Variants in BUB1 observed in about 807,000 individuals in gnomAD.
BUB1 encodes BUB1 mitotic checkpoint serine/threonine kinase.
In BUB1, 84 loss-of-function variants were observed where a neutral mutation model predicts 135.2. The ratio of observed to expected loss-of-function variants is 0.62; its 90% CI spans 0.52 to 0.74. BUB1 has a LOEUF of 0.74. BUB1 is among the 30% of genes least tolerant of loss of function. BUB1 has a pLI of 0.00. For missense variants in BUB1, 1,162 were observed against 1,288.3 expected (o/e 0.90, Z 1.50); for synonymous variants, 403 against 434.4 (o/e 0.93, Z 0.90).
chr2:110,672,135 G>A (rs888159590), intron 4 of BUB1, among the ~76,000 whole-genome samples: 1 of 152,142 alleles, frequency 6.6e-6, no homozygotes, highest in Non-Finnish European at 1.5e-5. Flanking sequence ...GCTGAGGCAG[G>A]AGAATCTCTT....
chr2:110,670,136 T>TG (rs1690380710), intron 5 of BUB1, among the ~76,000 whole-genome samples: 1 of 141,666 alleles, frequency 7.1e-6, no homozygotes, highest in Non-Finnish European at 1.5e-5. Flanking sequence ...GTTTTTTTTT[T>TG]TTTTTTTTTT....
chr2:110,676,610 G>A (rs371834301), intron 1 of BUB1: 1 of 152,182 alleles, frequency 6.6e-6, no homozygotes, highest in Non-Finnish European at 1.5e-5. Flanking sequence ...TAGGGTACAT[G>A]AAGTATTACA....
At chr2:110,649,032 A>T (rs1394077921) in intron 19 of BUB1, 1 of 423,474 alleles carries the variant, frequency 2.4e-6, no homozygotes, top group Non-Finnish European at 4.1e-6. Flanking sequence ...TCTATGAGTT[A>T]TAGGAGTTAT....
intron 15 of BUB1, 152 bp from the exon 16 acceptor site, chr2:110,656,068 C>T: frequency 1.6e-6 from 1 of 622,376 alleles, no homozygotes; most frequent in Non-Finnish European, 2.6e-6. Context: ...TATCATGGTT[C>T]AGTTCTTTTC....
chr2:110,661,317 C>T (rs1385274352), intron 10 of BUB1: 1 of 435,268 alleles, frequency 2.3e-6, no homozygotes, highest in Non-Finnish European at 4.1e-6. Context: ...TCTTCAGTTA[C>T]AAAGTGACTG....
intron 17 of BUB1, among the ~76,000 whole-genome samples, chr2:110,652,921 A>G (rs1268988922): frequency 1.3e-5 from 2 of 152,168 alleles, no homozygotes; most frequent in East Asian, 3.8e-4. Context: ...ATCCTTTCCT[A>G]TTACAATGGT....
chr2:110,667,216 G>A (rs1414904533), intron 8 of BUB1, among the ~76,000 whole-genome samples: 1 of 152,074 alleles, frequency 6.6e-6, no homozygotes, highest in Non-Finnish European at 1.5e-5. Flanking sequence ...ATCTAATTTA[G>A]TACTCTTTCA....
chr2:110,657,134 T>C lies in BUB1; in HGVS notation c.1617-17A>G, dbSNP rs1184565740. On this transcript the variant is annotated splice_polypyrimidine_tract_variant and intron_variant, in intron 14 of 24. Transcript: ENST00000302759. ...TGTGGTAATCTAAGGAAAGATTTGCTAAATTATAAATAGTAAAATATGCTA... is the reference window on the plus strand; with the variant it reads ...TGTGGTAATCTAAGGAAAGATTTGCCAAATTATAAATAGTAAAATATGCTA... The C allele has an allele frequency of 6.3e-7, 1 of 1,591,162 alleles. No individual in the cohort carries two copies. The highest frequency in any genetic ancestry group is 8.6e-7 in the Non-Finnish European group (1 of 1,162,550).
chr2:110,661,515 G>A (rs1265734047), intron 10 of BUB1, 67 bp downstream of exon 10: 2 of 1,532,732 alleles, frequency 1.3e-6, no homozygotes, highest in African/African-American at 1.4e-5. Context: ...TGATAATGCA[G>A]GTCATGTAAA....
intron 5 of BUB1, 151 bp downstream of exon 5, chr2:110,670,374 G>A (rs1174400828): frequency 2.6e-6 from 2 of 776,562 alleles, no homozygotes; most frequent in Non-Finnish European, 4.4e-6. Flanking sequence ...CTGACCCCAG[G>A]TGATGCACCC....
In BUB1 at chr2:110,658,798, A is replaced by T. The variant is rs909362646; in HGVS notation, c.1277-56T>A. ...TCAGTAGGGAAATCAGAATAACTTA[A>T]AAGACACACAATTTAAGTAAGTTAC... On this transcript the variant is annotated intron_variant, in intron 11 of 24. Transcript: ENST00000302759. 5.7e-6 allele frequency: 9 copies of T among 1,591,296 alleles called. No individual in the cohort carries two copies. In the African/African-American group the frequency reaches 9.4e-5, roughly 17 times the overall value.
intron 24 of BUB1, among the ~76,000 whole-genome samples, chr2:110,639,399 A>G (rs1689440454): frequency 6.6e-6 from 1 of 151,338 alleles, no homozygotes; most frequent in Non-Finnish European, 1.5e-5. Context: ...TAGACCAAAA[A>G]AAAAAAAAAG....
intron 1 of BUB1, among the ~76,000 whole-genome samples, chr2:110,677,740 A>C (rs2104567160): frequency 6.6e-6 from 1 of 152,336 alleles, no homozygotes; most frequent in African/African-American, 2.4e-5. Flanking sequence ...GATTGCTCCA[A>C]ACGGCCACCG....
chr2:110,642,268 C>A (rs767387668), intron 19 of BUB1, 34 bp from the exon 20 acceptor site: 7 of 1,379,614 alleles, frequency 5.1e-6, no homozygotes, highest in South Asian at 2.6e-5. Flanking sequence ...AATTTATGTA[C>A]GCCTTTTATT....
At chr2:110,653,332 A>C in intron 17 of BUB1, 104 bp downstream of exon 17, 1 of 1,132,560 alleles carries the variant, frequency 8.8e-7, no homozygotes, top group Non-Finnish European at 1.3e-6. Flanking sequence ...GGCTAAAATT[A>C]GGTATTCTAT....
intron 17 of BUB1, 55 bp from the exon 18 acceptor site, chr2:110,650,839 TG>T (rs1207226467): frequency 6.7e-7 from 1 of 1,488,336 alleles, no homozygotes; most frequent in African/African-American, 1.4e-5. Context: ...AGAAATCTGT[TG>T]GATTCAGTCA....
intron 8 of BUB1, among the ~76,000 whole-genome samples, chr2:110,667,205 T>A (rs1266724519): frequency 6.6e-6 from 1 of 152,226 alleles, no homozygotes; most frequent in African/African-American, 2.4e-5. Flanking sequence ...CTGGTATGGA[T>A]ATCTAATTTA....
intron 5 of BUB1, among the ~76,000 whole-genome samples, 159 bp from the exon 6 acceptor site, chr2:110,669,712 A>G (rs1574334347): frequency 6.6e-6 from 1 of 152,246 alleles, no homozygotes; most frequent in African/African-American, 2.4e-5. Context: ...CGTTTTTAAA[A>G]TAAGTATTAT....
chr2:110,650,861 C>T (rs1689767342), intron 17 of BUB1, 77 bp from the exon 18 acceptor site: 1 of 1,334,806 alleles, frequency 7.5e-7, no homozygotes, highest in Non-Finnish European at 1.1e-6. Flanking sequence ...CATGAAATTC[C>T]CTTCTCATTC....
Sources: allele counts gnomAD v4.1 joint callset (sites outside exome capture counted in the v4.1 genomes callset), GRCh38; gene constraint gnomAD v4.1.1; transcripts MANE v1.5; gene names NCBI Gene and HGNC (gene_info 2026-07-23, HGNC 2026-07-21).